PIP4K2A: variants seen among roughly 807,000 people sequenced by gnomAD.
PIP4K2A encodes phosphatidylinositol 5-phosphate 4-kinase type-2 alpha.
Under a neutral mutation model 42.9 loss-of-function variants are expected in PIP4K2A, and 14 were observed. That is an observed-to-expected ratio of 0.33 (90% confidence interval 0.22 to 0.51). PIP4K2A has a LOEUF of 0.51. PIP4K2A is among the 20% of genes least tolerant of loss of function. The pLI is 0.97. For missense variants in PIP4K2A, 434 were observed against 519.8 expected (o/e 0.83, Z 1.61); for synonymous variants, 192 against 192.2 (o/e 1.00, Z 0.01).
chr10:22,636,917 C>T (rs1477600938), intron 1 of PIP4K2A, among the ~76,000 whole-genome samples: 2 of 152,192 alleles, frequency 1.3e-5, no homozygotes, highest in African/African-American at 4.8e-5. Flanking sequence ...GTTACAACAG[C>T]CCCAGATCCA....
In PIP4K2A at chr10:22,636,331, C is replaced by T. The variant is rs377105665; in HGVS notation, c.145-26614G>A. On this transcript the variant is annotated intron_variant, in intron 1 of 9. Coordinates refer to ENST00000376573, the MANE Select transcript of PIP4K2A (RefSeq NM_005028.5). ...CAGTGGTATGACCACAGCTCACTGC[C>T]GCCTCAACGTCCCAGGCTCAAGGGA... Among the ~76,000 whole-genome samples, 19 of 152,224 alleles carry T rather than the reference C, an allele frequency of 1.2e-4. No individual in the cohort carries two copies. The East Asian group carries it at 2.3e-3, about 19-fold the overall frequency.
chr10:22,619,846 C>T (rs1047480046), intron 1 of PIP4K2A, among the ~76,000 whole-genome samples: 1 of 152,208 alleles, frequency 6.6e-6, no homozygotes, highest in Non-Finnish European at 1.5e-5. Context: ...GAAATCTGAG[C>T]TACCTTCCAA....
intron 3 of PIP4K2A, among the ~76,000 whole-genome samples, chr10:22,603,248 T>C (rs1837833117): frequency 6.6e-6 from 1 of 152,176 alleles, no homozygotes; most frequent in Non-Finnish European, 1.5e-5. Flanking sequence ...AACCTGGTAT[T>C]ATCCTCCACA....
chr10:22,586,093 T>C (rs1787596343), intron 4 of PIP4K2A, among the ~76,000 whole-genome samples: 1 of 152,244 alleles, frequency 6.6e-6, no homozygotes, highest in South Asian at 2.1e-4. Flanking sequence ...TCATCATTTA[T>C]AGGATCCGAG....
Position 22,540,038 on chromosome 10 carries a change from A to G in PIP4K2A, c.1073T>C (p.Ile358Thr). ...TGCATCATAATGAGTAAGGATGTCA[A>G]TAATTGCCATGAAGTACACCTCCTT... ...PRKEVYFMAIIDILTHYDAKK... is the reference protein window; with the variant it reads ...PRKEVYFMAITDILTHYDAKK... The change falls in exon 9 of 10, where the codon ATT becomes ACT. Residue 358 changes from isoleucine to threonine, a missense_variant. Physicochemically the swap from Ile to Thr is moderately conservative, Grantham distance 89. Coordinates refer to ENST00000376573, the MANE Select transcript of PIP4K2A (RefSeq NM_005028.5). 1 of 1,612,660 alleles carries G rather than the reference A, an allele frequency of 6.2e-7. No individual in the cohort carries two copies. Among genetic ancestry groups the G allele is most frequent in the South Asian group, 1.1e-5 (1 of 91,054 alleles).
chr10:22,629,812 G>C (rs1422935717), intron 1 of PIP4K2A, among the ~76,000 whole-genome samples: 2 of 152,098 alleles, frequency 1.3e-5, no homozygotes, highest in Non-Finnish European at 2.9e-5. Context: ...AGCACATGTA[G>C]ATACATGATA....
chr10:22,548,822 G>A (rs143533400), intron 7 of PIP4K2A, among the ~76,000 whole-genome samples: 2,096 of 151,972 alleles, frequency 0.014, 36 homozygotes, highest in African/African-American at 0.048. Flanking sequence ...GAGGTGGGAG[G>A]ATTGCTTGAG....
Position 22,537,189 on chromosome 10 carries a change from C to T in PIP4K2A, c.*12G>A, listed in dbSNP as rs756622792. ...ATCCAATGTTCATGTCTGTCCGAGG[C>T]TGCGCAGGAGGTTACGTCAAGATGT... On this transcript the variant is annotated 3_prime_UTR_variant, in exon 10 of 10. Transcript: ENST00000376573. 18 of 1,592,384 alleles carry T rather than the reference C, an allele frequency of 1.1e-5. No homozygotes were observed. In the East Asian group the frequency reaches 4.1e-4, roughly 36 times the overall value.
chr10:22,683,620 C>T (rs762883379), intron 1 of PIP4K2A, among the ~76,000 whole-genome samples: 16 of 152,086 alleles, frequency 1.1e-4, no homozygotes, highest in Non-Finnish European at 1.8e-4. Flanking sequence ...TAACTTTCCC[C>T]CTCAAGCAGC....
At chr10:22,644,532 C>G (rs1176664339) in intron 1 of PIP4K2A, among the ~76,000 whole-genome samples, 5 of 152,176 alleles carry the variant, frequency 3.3e-5, no homozygotes, top group Admixed American at 3.3e-4. Flanking sequence ...AGGCTTCGGT[C>G]CCCACCTCAC....
intron 6 of PIP4K2A, among the ~76,000 whole-genome samples, chr10:22,552,585 T>A (rs1214342937): frequency 2.0e-5 from 3 of 151,772 alleles, no homozygotes; most frequent in Non-Finnish European, 4.4e-5. Context: ...CATAATGAAG[T>A]TTCACCAAGA....
intron 1 of PIP4K2A, among the ~76,000 whole-genome samples, chr10:22,688,364 T>C (rs1301583433): frequency 6.6e-6 from 1 of 152,202 alleles, no homozygotes; most frequent in African/African-American, 2.4e-5. Context: ...GGCACAAAGT[T>C]AAGAACCATT....
chr10:22,624,610 T>C (rs1043958768), intron 1 of PIP4K2A, among the ~76,000 whole-genome samples: 25 of 152,198 alleles, frequency 1.6e-4, no homozygotes, highest in Non-Finnish European at 7.3e-5. Context: ...TTTTCCCTTA[T>C]AAAACATGTG....
At chr10:22,575,472 G>A (rs990914668) in intron 4 of PIP4K2A, among the ~76,000 whole-genome samples, 4 of 152,100 alleles carry the variant, frequency 2.6e-5, no homozygotes, top group Admixed American at 6.6e-5. Context: ...GTCTCACAGC[G>A]ACAAAGAACC....
At chr10:22,659,628 T>G (rs1366828396) in intron 1 of PIP4K2A, 1 of 152,216 alleles carries the variant, frequency 6.6e-6, no homozygotes, top group Non-Finnish European at 1.5e-5. Context: ...GGTTGGTAGA[T>G]TCTTGGTTTG....
rs56349240 is a variant in PIP4K2A, at chr10:22,549,838, C to CAAAAAAAA, written c.792+813_792+820dup. On this transcript the variant is annotated intron_variant, in intron 7 of 9. Coordinates refer to ENST00000376573, the MANE Select transcript of PIP4K2A (RefSeq NM_005028.5). The stretch of plus-strand genomic sequence containing the variant: ...CCTAGAAGACAGTGAGAATCCATCT[C>CAAAAAAAA]AAAAAAAAAAAAAAAAAAAAAAAAA... Among the ~76,000 whole-genome samples the CAAAAAAAA allele has an allele frequency of 8.6e-5, 6 of 70,124 alleles. 1 individual carries two copies. The highest frequency in any genetic ancestry group is 2.4e-4 in the Admixed American group (1 of 4,176). 46.0% of individuals were successfully genotyped at this position (70,124 alleles called of 152,430 possible).
intron 1 of PIP4K2A, among the ~76,000 whole-genome samples, chr10:22,662,791 G>C (rs2130836291): frequency 6.6e-6 from 1 of 152,302 alleles, no homozygotes; most frequent in Admixed American, 6.5e-5. Context: ...ACAATGGTGA[G>C]GACACCCAAA....
intron 1 of PIP4K2A, among the ~76,000 whole-genome samples, chr10:22,623,283 GTAA>G (rs1838369612): frequency 6.6e-6 from 1 of 152,080 alleles, no homozygotes. Context: ...AAGCTCACCT[GTAA>G]TGGTGAGCTT....
intron 1 of PIP4K2A, among the ~76,000 whole-genome samples, chr10:22,666,071 C>T (rs552938415): frequency 6.6e-6 from 1 of 151,822 alleles, no homozygotes; most frequent in African/African-American, 2.4e-5. Context: ...GGTTGCCTTG[C>T]CACCTATCTT....
Sources: gnomAD v4.1 joint callset for allele counts (sites outside exome capture counted in the v4.1 genomes callset) on GRCh38, gnomAD v4.1.1 for gene constraint, MANE v1.5 for transcripts, NCBI Gene and HGNC (gene_info 2026-07-23, HGNC 2026-07-21) for gene names.